NLGN4Y: variants seen among roughly 807,000 people sequenced by gnomAD.
NLGN4Y encodes the protein neuroligin 4 Y-linked.
Under a neutral mutation model 8.4 loss-of-function variants are expected in NLGN4Y, and 4 were observed. The ratio of observed to expected loss-of-function variants is 0.48; its 90% CI spans 0.23 to 1.09. The LOEUF (loss-of-function observed/expected upper bound fraction) is 1.09. NLGN4Y is among the 50% of genes least tolerant of loss of function. NLGN4Y has a pLI of 0.19. For synonymous variants in NLGN4Y, 35 were observed against 75.6 expected (o/e 0.46, Z 2.78); for missense variants, 90 against 192.3 (o/e 0.47, Z 3.15).
intron 4 of NLGN4Y, among the ~76,000 whole-genome samples, chrY:14,734,405 G>C (rs767539273): frequency 3.0e-5 from 1 of 33,784 alleles, no homozygotes; most frequent in East Asian, 8.0e-4. Flanking sequence ...GTGGTTGCAT[G>C]CTTTTTGGCT....
chrY:14,584,711 T>C, intron 1 of NLGN4Y, among the ~76,000 whole-genome samples: 5 of 33,061 alleles, frequency 1.5e-4, no homozygotes, highest in Admixed American at 1.4e-3. Context: ...GGTGGAAAAT[T>C]GGTACGTTTT....
At chrY:14,833,214 T>C (rs2150598284) in intron 6 of NLGN4Y, among the ~76,000 whole-genome samples, 1 of 33,871 alleles carries the variant, frequency 3.0e-5, no homozygotes, top group African/African-American at 1.2e-4. Flanking sequence ...CCTGAACAAT[T>C]GCTGTTATCC....
intron 1 of NLGN4Y, among the ~76,000 whole-genome samples, chrY:14,614,443 A>T (rs2080480504): frequency 3.1e-5 from 1 of 32,750 alleles, no homozygotes; most frequent in Non-Finnish European, 7.5e-5. Flanking sequence ...TAGTTTAATT[A>T]GATCCCATTT....
At chrY:14,739,149 C>T (rs954474197) in intron 4 of NLGN4Y, among the ~76,000 whole-genome samples, 9 of 32,618 alleles carry the variant, frequency 2.8e-4, no homozygotes. Context: ...GTTGCCCACT[C>T]TGGTGTGCAG....
chrY:14,639,598 G>A (rs1051088760), intron 2 of NLGN4Y: 5 of 203,415 alleles, frequency 2.5e-5, no homozygotes, highest in Admixed American at 8.2e-5. Context: ...TTTGCTGAAC[G>A]TGGAAACAAA....
intron 1 of NLGN4Y, among the ~76,000 whole-genome samples, chrY:14,556,146 G>A: frequency 3.1e-5 from 1 of 32,206 alleles, no homozygotes; most frequent in South Asian, 7.2e-4. Flanking sequence ...AGTGAGACTC[G>A]ATCTCAAAAA....
chrY:14,660,841 G>T, intron 2 of NLGN4Y, among the ~76,000 whole-genome samples: 3 of 33,046 alleles, frequency 9.1e-5, no homozygotes, highest in Non-Finnish European at 2.2e-4. Flanking sequence ...CATTAGTGTT[G>T]GGCATTTGGC....
intron 4 of NLGN4Y, among the ~76,000 whole-genome samples, chrY:14,810,720 T>C: frequency 3.0e-5 from 1 of 33,241 alleles, no homozygotes; most frequent in Non-Finnish European, 7.4e-5. Context: ...TTTTATTTTA[T>C]GTAATTGAAA....
At chrY:14,620,053 G>A (rs2080503056) in intron 1 of NLGN4Y, among the ~76,000 whole-genome samples, 1 of 33,029 alleles carries the variant, frequency 3.0e-5, no homozygotes, top group African/African-American at 1.2e-4. Flanking sequence ...TAGAAGATTA[G>A]GAAAAATATT....
In NLGN4Y at chrY:14,622,211, C is replaced by T. The variant is rs201640492; in HGVS notation, c.92C>T (p.Ala31Val). The T allele has an allele frequency of 2.8e-5, 11 of 398,623 alleles. No homozygotes were observed. The highest frequency in any genetic ancestry group is 8.9e-5 in the South Asian group (3 of 33,799). The change falls in exon 2 of 7, where the codon GCT becomes GTT. Residue 31 changes from alanine (A) to valine (V), a missense_variant. Physicochemically the swap from Ala to Val is moderately conservative, Grantham distance 64 (BLOSUM62 0). This residue lies in a region of NLGN4Y where 37 missense variants were observed against 38.5 expected (regional missense o/e 0.96). Transcript: ENST00000684976. ...LNSNVLLWITALAIKFTLIDS... is the reference protein window; with the variant it reads ...LNSNVLLWITVLAIKFTLIDS... ...TCCAATGTTCTTCTGTGGATAACTG[C>T]TCTTGCCATCAAGTTCACCCTCATT...
At chrY:14,678,650 C>G in intron 2 of NLGN4Y, among the ~76,000 whole-genome samples, 1 of 32,721 alleles carries the variant, frequency 3.1e-5, no homozygotes, top group East Asian at 8.2e-4. Context: ...TGCCCACGAC[C>G]CTTTCCAAAC....
chrY:14,624,936 C>G lies in NLGN4Y; in HGVS notation c.472+2345C>G, dbSNP rs201821926. 1.8e-3 allele frequency among the ~76,000 whole-genome samples: 61 copies of G among 33,516 alleles called. No individual in the cohort carries two copies. In the East Asian group the frequency reaches 0.046, roughly 25 times the overall value. The allele number at this position is 33,516 out of a possible 37,273, so 89.9% of individuals were successfully genotyped here. On this transcript the variant is annotated intron_variant, in intron 2 of 6. Coordinates refer to ENST00000684976, the MANE Select transcript of NLGN4Y (RefSeq NM_001365588.1). The stretch of plus-strand genomic sequence containing the variant: ...GATAGAAATATTATTATCTGGAATT[C>G]AGAATTCTACTCTGACCACTTAGAA...
chrY:14,726,213 C>A (rs2080955121), intron 4 of NLGN4Y, among the ~76,000 whole-genome samples: 1 of 33,635 alleles, frequency 3.0e-5, no homozygotes, highest in African/African-American at 1.2e-4. Context: ...TTAAAAATTT[C>A]CTAGGATTAT....
chrY:14,558,962 C>T, intron 1 of NLGN4Y, among the ~76,000 whole-genome samples: 1 of 32,973 alleles, frequency 3.0e-5, no homozygotes, highest in African/African-American at 1.2e-4. Context: ...AGAGGATTCC[C>T]GGTTATAGAC....
At chrY:14,690,070 C>T (rs2080804557) in intron 2 of NLGN4Y, among the ~76,000 whole-genome samples, 2 of 33,046 alleles carry the variant, frequency 6.1e-5, no homozygotes, top group African/African-American at 2.4e-4. Flanking sequence ...CCACCATCCC[C>T]ATCATGGAAA....
At chrY:14,792,515 C>T in intron 4 of NLGN4Y, among the ~76,000 whole-genome samples, 3 of 31,248 alleles carry the variant, frequency 9.6e-5, no homozygotes, top group African/African-American at 3.8e-4. Context: ...CAAGGCCAGG[C>T]ATGGTGGCTC....
At chrY:14,635,694 C>T (rs1055926065) in intron 2 of NLGN4Y, among the ~76,000 whole-genome samples, 1 of 30,322 alleles carries the variant, frequency 3.3e-5, no homozygotes, top group African/African-American at 1.3e-4. Context: ...TGGGTTCAAG[C>T]GATTCTGCTG....
chrY:14,718,307 T>C (rs771092905), intron 2 of NLGN4Y, among the ~76,000 whole-genome samples: 10 of 33,906 alleles, frequency 2.9e-4, no homozygotes, highest in Non-Finnish European at 6.6e-4. Context: ...AACTGGAAAA[T>C]GTTTTTCACT....
chrY:14,629,121 G>A, intron 2 of NLGN4Y, among the ~76,000 whole-genome samples: 1 of 33,700 alleles, frequency 3.0e-5, no homozygotes, highest in African/African-American at 1.2e-4. Context: ...GTTATCCATA[G>A]CTGCTCACCA....
Sources: gnomAD v4.1 joint callset for allele counts (sites outside exome capture counted in the v4.1 genomes callset) on GRCh38, gnomAD v4.1.1 for gene constraint, gnomAD v4.1.1 regional missense constraint, MANE v1.5 for transcripts, NCBI Gene and HGNC (gene_info 2026-07-23, HGNC 2026-07-21) for gene names.